The following PDE1A variants were observed in gnomAD, a reference collection of about 807,000 sequenced individuals.
PDE1A encodes the protein phosphodiesterase 1A, also known as dual specificity calcium/calmodulin-dependent 3',5'-cyclic nucleotide phosphodiesterase 1A.
Under a neutral mutation model 61.7 loss-of-function variants are expected in PDE1A, and 35 were observed. The observed-to-expected ratio is 0.57, with a 90% CI of 0.43 to 0.75. The LOEUF (loss-of-function observed/expected upper bound fraction) is 0.75, where lower values mean the gene tolerates loss of function less well. PDE1A is among the 30% of genes least tolerant of loss of function. PDE1A has a pLI of 0.00. For missense variants in PDE1A, 597 were observed against 630.6 expected (o/e 0.95, Z 0.57); for synonymous variants, 232 against 213.2 (o/e 1.09, Z -0.77).
At chr2:182,447,254 A>G (rs1685201598) in intron 2 of PDE1A, among the ~76,000 whole-genome samples, 1 of 151,902 alleles carries the variant, frequency 6.6e-6, no homozygotes, top group Admixed American at 6.6e-5. Context: ...TTGATGTCCT[A>G]ATATCTCATG....
chr2:182,203,324 AAAAAC>A (rs113107221), intron 8 of PDE1A, among the ~76,000 whole-genome samples: 1 of 151,756 alleles, frequency 6.6e-6, no homozygotes, highest in Non-Finnish European at 1.5e-5. Flanking sequence ...CGTCTGAAAA[AAAAAC>A]AAAACAAAAC....
chr2:182,629,034 T>C, the PDE1A span, among the ~76,000 whole-genome samples: 1 of 152,150 alleles, frequency 6.6e-6, no homozygotes, highest in Admixed American at 6.5e-5. Context: ...GAACTGCCTA[T>C]GGAGAGGGCC....
intron 13 of PDE1A, among the ~76,000 whole-genome samples, chr2:182,157,148 G>A (rs574602655): frequency 1.6e-4 from 24 of 151,736 alleles, no homozygotes; most frequent in African/African-American, 5.3e-4. Context: ...CCCAGTAGCT[G>A]GGATTACAGG....
chr2:182,427,502 C>A (rs1352631126), upstream of PDE1A, among the ~76,000 whole-genome samples: 1 of 152,058 alleles, frequency 6.6e-6, no homozygotes, highest in African/African-American at 2.4e-5. Flanking sequence ...GATGGAAACA[C>A]ACACACACAT....
At chr2:182,306,057 G>A (rs1695563496) in intron 1 of PDE1A, among the ~76,000 whole-genome samples, 1 of 151,898 alleles carries the variant, frequency 6.6e-6, no homozygotes, top group Non-Finnish European at 1.5e-5. Context: ...CCAGCCTCTG[G>A]TAACCACCAT....
intron 1 of PDE1A, among the ~76,000 whole-genome samples, chr2:182,368,711 C>T (rs761434359): frequency 6.6e-6 from 1 of 152,020 alleles, no homozygotes; most frequent in Non-Finnish European, 1.5e-5. Context: ...GGATGGGAGC[C>T]CATCCTATTT....
chr2:182,463,134 G>C lies in PDE1A; in HGVS notation c.101+59142C>G, dbSNP rs1047214229. On this transcript the variant is annotated intron_variant, in intron 2 of 14. Transcript: ENST00000410103. ...CATGCACCTGTAGTACCAGCTACTC[G>C]GGAGGCTGAGGCGAGAATCCCTTGA... 4.9e-4 allele frequency among the ~76,000 whole-genome samples: 75 copies of C among 152,092 alleles called. 1 individual carries two copies. Among genetic ancestry groups the C allele is most frequent in the Non-Finnish European group, 5.3e-4 (36 of 67,976 alleles).
intron 13 of PDE1A, among the ~76,000 whole-genome samples, chr2:182,156,239 G>A (rs958869092): frequency 2.0e-5 from 3 of 152,010 alleles, no homozygotes; most frequent in African/African-American, 7.3e-5. Context: ...TAATTATTAA[G>A]AACAATATTA....
At chr2:182,560,033 C>A in the PDE1A span, among the ~76,000 whole-genome samples, 1 of 148,394 alleles carries the variant, frequency 6.7e-6, no homozygotes. Context: ...TTCTTGGTGG[C>A]AGAGGGATGG....
the PDE1A span, among the ~76,000 whole-genome samples, chr2:182,626,576 C>A: frequency 6.7e-6 from 1 of 149,794 alleles, no homozygotes; most frequent in Non-Finnish European, 1.5e-5. Flanking sequence ...TCCCTTCATT[C>A]TGGAGAACAT....
At chr2:182,538,602 T>C in the PDE1A span, among the ~76,000 whole-genome samples, 2 of 152,222 alleles carry the variant, frequency 1.3e-5, no homozygotes, top group East Asian at 3.8e-4. Flanking sequence ...ATTTCACTTT[T>C]AATTATAAAA....
intron 1 of PDE1A, among the ~76,000 whole-genome samples, chr2:182,357,300 AAG>A (rs931127053): frequency 6.6e-6 from 1 of 152,096 alleles, no homozygotes; most frequent in African/African-American, 2.4e-5. Context: ...CAAACAAACA[AAG>A]AGAGAAATGG....
intron 13 of PDE1A, among the ~76,000 whole-genome samples, chr2:182,185,480 G>GA (rs1274629572): frequency 2.0e-5 from 3 of 151,736 alleles, no homozygotes; most frequent in East Asian, 3.9e-4. Flanking sequence ...TAGTGAAACA[G>GA]AAAAAAAACA....
At chr2:182,295,055 A>ATAT (rs1559306033) in intron 1 of PDE1A, among the ~76,000 whole-genome samples, 1 of 76,774 alleles carries the variant, frequency 1.3e-5, no homozygotes, top group African/African-American at 4.3e-5. Context: ...ATAAAAGGTA[A>ATAT]TCTTTTTTTT....
intron 13 of PDE1A, among the ~76,000 whole-genome samples, chr2:182,149,105 TAGAAC>T (rs933342244): frequency 7.2e-5 from 11 of 152,230 alleles, no homozygotes; most frequent in Admixed American, 3.3e-4. Flanking sequence ...AAGACTAGAT[TAGAAC>T]AGAACAGAAC....
the PDE1A span, among the ~76,000 whole-genome samples, chr2:182,564,862 G>C: frequency 6.6e-6 from 1 of 152,096 alleles, no homozygotes; most frequent in Non-Finnish European, 1.5e-5. Flanking sequence ...TGAGGCTTCT[G>C]CATTCTTCAC....
chr2:182,641,545 C>A, the PDE1A span, among the ~76,000 whole-genome samples: 1 of 152,060 alleles, frequency 6.6e-6, no homozygotes, highest in South Asian at 2.1e-4. Context: ...GTTTTTTGGA[C>A]TTTTATTCAT....
rs896680348 is a variant in PDE1A, at chr2:182,485,676, G to A, written c.101+36600C>T. On this transcript the variant is annotated intron_variant, in intron 2 of 14. Coordinates refer to the PDE1A transcript ENST00000410103. ...AGTGAGATTTATCCCAGGAATGCGA[G>A]ACAAGTTTAAAATATAAAAATTAAT... Among the ~76,000 whole-genome samples, 6 of 151,886 alleles carry A rather than the reference G, an allele frequency of 4.0e-5. No homozygotes were observed. The East Asian group carries it at 1.2e-3, about 29-fold the overall frequency.
At chr2:182,293,224 T>C (rs1694654484) in intron 1 of PDE1A, among the ~76,000 whole-genome samples, 2 of 152,138 alleles carry the variant, frequency 1.3e-5, no homozygotes, top group Non-Finnish European at 2.9e-5. Flanking sequence ...GAAAGTTGCA[T>C]CAAATTCTTC....
Sources: gnomAD v4.1 joint callset for allele counts (sites outside exome capture counted in the v4.1 genomes callset) on GRCh38, gnomAD v4.1.1 for gene constraint, MANE v1.5 for transcripts, NCBI Gene and HGNC (gene_info 2026-07-23, HGNC 2026-07-21) for gene names.